CYTH4: variants seen among roughly 807,000 people sequenced by gnomAD.
CYTH4 encodes the protein cytohesin-4.
CYTH4 carries 22 observed loss-of-function variants against 57.5 expected under a neutral mutation model. That is an observed-to-expected ratio of 0.38 (90% CI 0.27 to 0.55). The LOEUF (loss-of-function observed/expected upper bound fraction) is 0.55. Ranked by LOEUF, CYTH4 falls within the 20% of genes least tolerant of loss-of-function variation. CYTH4 has a pLI of 0.74. For missense variants in CYTH4, 420 were observed against 535.6 expected, an observed-to-expected ratio of 0.78 and a Z score of 2.13; for synonymous variants, 186 against 206.5, an observed-to-expected ratio of 0.90 and a Z score of 0.85.
At chr22:37,303,486 C>T (rs2145865810) in intron 8 of CYTH4, 84 bp downstream of exon 8, 8 of 1,490,550 alleles carry the variant, frequency 5.4e-6, no homozygotes, top group Non-Finnish European at 7.1e-6. Flanking sequence ...GGAGGGGCTC[C>T]TCTGAGATAG....
At chr22:37,288,216 C>T (rs910269943) in intron 1 of CYTH4, among the ~76,000 whole-genome samples, 1 of 152,138 alleles carries the variant, frequency 6.6e-6, no homozygotes, top group Non-Finnish European at 1.5e-5. Flanking sequence ...AGATCAAGAC[C>T]ATCCTGGCCA....
At chr22:37,301,393 C>A (rs756317191) in intron 7 of CYTH4, among the ~76,000 whole-genome samples, 7 of 152,050 alleles carry the variant, frequency 4.6e-5, no homozygotes, top group Non-Finnish European at 7.4e-5. Context: ...GAGAAAGGGC[C>A]TTTTTGGCAG....
At position 37,303,314 on chromosome 22, in the gene CYTH4, A is replaced by G; in HGVS notation, c.608A>G (p.Asn203Ser). The change falls in exon 8 of 13, where the codon AAC (asparagine) becomes AGC (serine). Residue 203 changes from asparagine to serine, a missense_variant. By Grantham distance (46) the Asn-to-Ser change is conservative. Transcript: ENST00000248901. ...CTCAACACCAGCCTCCACAATCCCA[A>G]CGTCCGGGACAGGCCGCCTTTTGAG... ...IMLNTSLHNP[N>S]VRDRPPFERF... 1 of 1,614,160 alleles carries G rather than the reference A, an allele frequency of 6.2e-7. No individual in the cohort carries two copies. Among genetic ancestry groups the G allele is most frequent in the Non-Finnish European group, 8.5e-7 (1 of 1,180,014 alleles).
chr22:37,312,256 G>A (rs1601713266), intron 12 of CYTH4, 82 bp downstream of exon 12: 1 of 1,550,368 alleles, frequency 6.5e-7, no homozygotes, highest in East Asian at 2.3e-5. Flanking sequence ...TTCCTTATCT[G>A]TAAAGGGGCT....
intron 1 of CYTH4, among the ~76,000 whole-genome samples, chr22:37,287,596 G>C (rs1260245156): frequency 1.3e-5 from 2 of 152,186 alleles, no homozygotes; most frequent in Non-Finnish European, 2.9e-5. Context: ...CCAGCTTCCA[G>C]CACTGCCTCC....
intron 3 of CYTH4, 46 bp downstream of exon 3, chr22:37,294,770 C>T (rs756221245): frequency 6.2e-7 from 1 of 1,608,102 alleles, no homozygotes; most frequent in Non-Finnish European, 8.5e-7. Flanking sequence ...ATGGTTGCTT[C>T]CCAAGGATGT....
intron 1 of CYTH4, among the ~76,000 whole-genome samples, chr22:37,285,988 G>T (rs1234741049): frequency 6.6e-6 from 1 of 152,132 alleles, no homozygotes; most frequent in Non-Finnish European, 1.5e-5. Context: ...AAGGGAGTAT[G>T]AAAGGAGCTG....
rs1399868253 is a variant in CYTH4, at chr22:37,285,668, G to A, written c.19+3080G>A. ...GGAGGTTGCAGTGAGCCGAGATCAG[G>A]CCACTGCACTCCAGCCTGGGTAACA... On this transcript the variant is annotated intron_variant, in intron 1 of 12. Transcript: ENST00000248901. 3.3e-5 allele frequency among the ~76,000 whole-genome samples: 5 copies of A among 152,212 alleles called. No homozygotes were observed. The South Asian group carries it at 6.2e-4, about 19-fold the overall frequency.
intron 8 of CYTH4, 102 bp downstream of exon 8, chr22:37,303,504 C>G: frequency 7.0e-7 from 1 of 1,430,928 alleles, no homozygotes; most frequent in Non-Finnish European, 9.2e-7. Context: ...TAGACAGCCC[C>G]CAGTGGGGAC....
chr22:37,303,457 T>C (rs1388142015), intron 8 of CYTH4, 55 bp downstream of exon 8: 3 of 1,567,954 alleles, frequency 1.9e-6, no homozygotes, highest in East Asian at 4.5e-5. Flanking sequence ...GAGGGACCTG[T>C]CCTTAGATGG....
intron 2 of CYTH4, 94 bp from the exon 3 acceptor site, chr22:37,294,566 T>C (rs2145859138): frequency 2.8e-6 from 4 of 1,413,324 alleles, no homozygotes; most frequent in Non-Finnish European, 3.9e-6. Context: ...TTGAGAGTCG[T>C]GCCCAGGGGT....
chr22:37,283,372 C>T (rs537448659), intron 1 of CYTH4, among the ~76,000 whole-genome samples: 1 of 152,324 alleles, frequency 6.6e-6, no homozygotes, highest in South Asian at 2.1e-4. Flanking sequence ...TTTCTGCACC[C>T]TGGATGTCAG....
chr22:37,300,430 G>T (rs2145863448), intron 6 of CYTH4, among the ~76,000 whole-genome samples: 2 of 152,360 alleles, frequency 1.3e-5, no homozygotes, highest in East Asian at 3.9e-4. Flanking sequence ...CACCTTCAGA[G>T]AACTTAGCTT....
chr22:37,303,360 C>G lies in CYTH4; in HGVS notation c.654C>G (p.Arg218=), dbSNP rs184409484. 5.0e-6 allele frequency: 8 copies of G among 1,614,132 alleles called. No homozygotes were observed. The highest frequency in any genetic ancestry group is 5.1e-6 in the Non-Finnish European group (6 of 1,180,018). The change falls in exon 8 of 13, where the codon CGC becomes CGG. Residue 218 remains arginine (R), a synonymous_variant. Coordinates refer to ENST00000248901, the MANE Select transcript of CYTH4 (RefSeq NM_013385.5). ...PPFERFVSMN[R]GINNGSDLPE... ...TTGAGCGCTTTGTGTCCATGAACCG[C>G]GGCATCAACAATGGTAGCGACCTGC...
At chr22:37,292,817 C>G (rs1928799349) in intron 2 of CYTH4, 114 bp downstream of exon 2, 9 of 1,033,400 alleles carry the variant, frequency 8.7e-6, no homozygotes, top group African/African-American at 1.6e-5. Flanking sequence ...CCAACTCTGG[C>G]TCATATCAGC....
intron 8 of CYTH4, among the ~76,000 whole-genome samples, chr22:37,308,454 A>C (rs1171699319): frequency 6.8e-6 from 1 of 147,534 alleles, no homozygotes; most frequent in Non-Finnish European, 1.5e-5. Flanking sequence ...GTGAGTGTGC[A>C]TGTATATAAG....
At chr22:37,286,231 G>A (rs750412244) in intron 1 of CYTH4, among the ~76,000 whole-genome samples, 5 of 152,116 alleles carry the variant, frequency 3.3e-5, no homozygotes, top group African/African-American at 7.2e-5. Context: ...ATCAGCCTTC[G>A]GAAGATCAAC....
In CYTH4 at chr22:37,315,106, C is replaced by A. The variant is rs146020799; in HGVS notation, c.*1595C>A. 1.3e-5 allele frequency: 2 copies of A among 152,404 alleles called. No homozygotes were observed. Among genetic ancestry groups the A allele is most frequent in the Non-Finnish European group, 2.9e-5 (2 of 68,098 alleles). 9.4% of individuals were successfully genotyped at this position (152,404 alleles called of 1,614,324 possible). A position where few individuals can be genotyped will look rare whatever the true frequency, so the allele number is the denominator to read the frequency against. On this transcript the variant is annotated 3_prime_UTR_variant, in exon 13 of 13. Coordinates refer to ENST00000248901, the MANE Select transcript of CYTH4 (RefSeq NM_013385.5). Reference sequence around the variant, plus strand: ...TGTGAACTAGGCCCTGCCTCTGTCACCTCATTGGTCCATGAAGGAGCAGCC... The same window carrying A: ...TGTGAACTAGGCCCTGCCTCTGTCAACTCATTGGTCCATGAAGGAGCAGCC...
Position 37,311,626 on chromosome 22 carries a change from C to A in CYTH4, c.957+99C>A. On this transcript the variant is annotated intron_variant, in intron 11 of 12. Coordinates refer to ENST00000248901, the MANE Select transcript of CYTH4 (RefSeq NM_013385.5). The surrounding 1 kb of genome is among the most constrained non-coding windows in gnomAD (Gnocchi z 4.4). The stretch of plus-strand genomic sequence containing the variant: ...CCTGAGGCTGGGCTCTCCAGGAAGC[C>A]AGGCTGTGCCCCTTACACCTTCCCT... 8.1e-7 allele frequency: 1 copy of A among 1,229,380 alleles called. No individual in the cohort carries two copies. The highest frequency in any genetic ancestry group is 1.2e-6 in the Non-Finnish European group (1 of 844,298). The allele number at this position is 1,229,380 out of a possible 1,614,324, so 76.2% of individuals were successfully genotyped here. A position where few individuals can be genotyped will look rare whatever the true frequency, so the allele number is the denominator to read the frequency against.
Sources: gnomAD v4.1 joint callset for allele counts (sites outside exome capture counted in the v4.1 genomes callset) on GRCh38, gnomAD v4.1.1 for gene constraint, Gnocchi (gnomAD v3.1) non-coding constraint, MANE v1.5 for transcripts, NCBI Gene and HGNC (gene_info 2026-07-23, HGNC 2026-07-21) for gene names.